OXCT1: variants seen among roughly 807,000 people sequenced by gnomAD.
OXCT1 encodes succinyl-CoA:3-ketoacid coenzyme A transferase 1, mitochondrial.
OXCT1 carries 27 observed loss-of-function variants against 69.6 expected under a neutral mutation model. The observed-to-expected ratio is 0.39, with a 90% CI of 0.29 to 0.54. OXCT1 has a LOEUF of 0.54. Ranked by LOEUF, OXCT1 falls within the 20% of genes least tolerant of loss-of-function variation. The pLI, the probability that OXCT1 is intolerant of heterozygous loss-of-function variation, is 0.72. For synonymous variants in OXCT1, 202 were observed against 217.8 expected (o/e 0.93, Z 0.64); for missense variants, 437 against 650.2 (o/e 0.67, Z 3.57).
intron 11 of OXCT1, 45 bp from the exon 12 acceptor site, chr5:41,794,794 C>G: frequency 6.3e-7 from 1 of 1,592,708 alleles, no homozygotes; most frequent in Non-Finnish European, 8.6e-7. Flanking sequence ...TATTAGATTT[C>G]TAAGAGTATC....
Position 41,870,191 on chromosome 5 carries a change from G to T in OXCT1, c.78+90C>A. On this transcript the variant is annotated intron_variant, in intron 1 of 16. Transcript: ENST00000196371. The surrounding 1 kb of genome is among the most constrained non-coding windows in gnomAD (Gnocchi z 4.2). ...TGCCAGATCCCAGGCTGGAGAGAGC[G>T]GGTAGGGGCAGAGAAGAAAACGCGG... The T allele has an allele frequency of 2.0e-6, 2 of 984,370 alleles. No homozygotes were observed. The highest frequency in any genetic ancestry group is 2.7e-5 in the South Asian group (2 of 74,598). The allele number at this position is 984,370 out of a possible 1,614,324, so 61.0% of individuals were successfully genotyped here. A position where few individuals can be genotyped will look rare whatever the true frequency, so the allele number is the denominator to read the frequency against.
intron 10 of OXCT1, among the ~76,000 whole-genome samples, chr5:41,801,997 G>A (rs1036438217): frequency 5.3e-5 from 8 of 151,680 alleles, no homozygotes; most frequent in Admixed American, 4.6e-4. Flanking sequence ...TTAAACTGAA[G>A]TGGCAACTAA....
chr5:41,834,720 C>T (rs1579839151), intron 7 of OXCT1, among the ~76,000 whole-genome samples: 2 of 152,082 alleles, frequency 1.3e-5, no homozygotes. Context: ...TAAAATACAA[C>T]AGCTGGAGAC....
At chr5:41,812,353 A>T (rs1476400842) in intron 7 of OXCT1, among the ~76,000 whole-genome samples, 1 of 152,052 alleles carries the variant, frequency 6.6e-6, no homozygotes, top group African/African-American at 2.4e-5. Context: ...CTTATGAAAG[A>T]TGAGGATTGC....
chr5:41,770,145 T>C (rs1744815149), intron 13 of OXCT1, among the ~76,000 whole-genome samples: 1 of 152,248 alleles, frequency 6.6e-6, no homozygotes, highest in South Asian at 2.1e-4. Flanking sequence ...TTGTTTTCAC[T>C]ATGTATTTAA....
Position 41,807,404 on chromosome 5 carries a change from G to T in OXCT1, c.767C>A (p.Pro256Gln). 6.2e-7 allele frequency: 1 copy of T among 1,605,824 alleles called. No individual in the cohort carries two copies. Among genetic ancestry groups the T allele is most frequent in the Non-Finnish European group, 8.5e-7 (1 of 1,173,174 alleles). Residue 256 changes from proline to glutamine, a missense_variant, in exon 8 of 17, where the codon CCA becomes CAA. Pro to Gln is a moderately conservative substitution (Grantham distance 76, BLOSUM62 -1). Coordinates refer to ENST00000196371, the MANE Select transcript of OXCT1 (RefSeq NM_000436.4). ...EEIVDIGAFA[P>Q]EDIHIPQIYV... Reference sequence around the variant, plus strand: ...AATCTGAGGAATATGGATGTCTTCTGGAGCAAATGCTCCAATATCCACAAT... The same window carrying T: ...AATCTGAGGAATATGGATGTCTTCTTGAGCAAATGCTCCAATATCCACAAT...
At chr5:41,856,005 T>C (rs907029495) in intron 3 of OXCT1, among the ~76,000 whole-genome samples, 58 of 152,164 alleles carry the variant, frequency 3.8e-4, no homozygotes, top group Non-Finnish European at 2.9e-5. Flanking sequence ...TCCTGGAGTA[T>C]GGACTGAGGG....
At chr5:41,759,495 A>G (rs1317909083) in intron 14 of OXCT1, among the ~76,000 whole-genome samples, 1 of 152,098 alleles carries the variant, frequency 6.6e-6, no homozygotes, top group Non-Finnish European at 1.5e-5. Context: ...TCTAGGCTCA[A>G]ATGAAAATCA....
chr5:41,857,131 C>A (rs1212549529), intron 3 of OXCT1, among the ~76,000 whole-genome samples: 1 of 152,104 alleles, frequency 6.6e-6, no homozygotes, highest in Non-Finnish European at 1.5e-5. Context: ...AAAATCTGGC[C>A]ATTTCTCACT....
chr5:41,733,677 A>G (rs1238272486), intron 16 of OXCT1, among the ~76,000 whole-genome samples: 3 of 152,162 alleles, frequency 2.0e-5, no homozygotes, highest in African/African-American at 7.2e-5. Flanking sequence ...TGTCAGCCCT[A>G]TTTTGAGCTC....
intron 13 of OXCT1, among the ~76,000 whole-genome samples, chr5:41,784,743 A>G (rs1745567711): frequency 6.6e-6 from 1 of 152,228 alleles, no homozygotes; most frequent in Non-Finnish European, 1.5e-5. Flanking sequence ...TAAAATGGCA[A>G]TAAATATTCA....
intron 1 of OXCT1, among the ~76,000 whole-genome samples, chr5:41,869,711 A>C (rs1203528663): frequency 6.6e-6 from 1 of 152,106 alleles, no homozygotes; most frequent in African/African-American, 2.4e-5. Context: ...GGGGCAGCAG[A>C]GCCAAATAGG....
chr5:41,759,816 AAAAACAAAAC>A (rs1744261446), intron 14 of OXCT1, among the ~76,000 whole-genome samples: 1 of 152,154 alleles, frequency 6.6e-6, no homozygotes, highest in African/African-American at 2.4e-5. Context: ...CACTTACAGA[AAAAACAAAAC>A]AAAACAAACA....
intron 7 of OXCT1, among the ~76,000 whole-genome samples, chr5:41,831,958 T>C (rs1748118633): frequency 6.6e-6 from 1 of 152,104 alleles, no homozygotes; most frequent in African/African-American, 2.4e-5. Flanking sequence ...CTGATTAACC[T>C]CCTAAAAAGA....
intron 13 of OXCT1, among the ~76,000 whole-genome samples, chr5:41,782,332 A>G (rs1025742233): frequency 2.6e-5 from 4 of 151,816 alleles, no homozygotes; most frequent in African/African-American, 9.7e-5. Context: ...CTCCTGCCTC[A>G]GCCTTCCAAG....
intron 15 of OXCT1, among the ~76,000 whole-genome samples, chr5:41,747,261 G>A (rs946496104): frequency 1.8e-4 from 28 of 152,034 alleles, no homozygotes; most frequent in African/African-American, 6.5e-4. Context: ...TCCACTTGCA[G>A]GTTATAGGAC....
intron 4 of OXCT1, among the ~76,000 whole-genome samples, chr5:41,850,865 C>G (rs1332193985): frequency 2.0e-5 from 3 of 152,164 alleles, no homozygotes; most frequent in African/African-American, 7.2e-5. Flanking sequence ...CCCTGGCTCT[C>G]TCACTCTCAA....
intron 1 of OXCT1, among the ~76,000 whole-genome samples, chr5:41,866,874 A>C (rs1750004599): frequency 6.6e-6 from 1 of 152,230 alleles, no homozygotes; most frequent in Admixed American, 6.5e-5. Context: ...AAAGTTTGCC[A>C]GGTGTTAAAT....
At chr5:41,778,372 A>T (rs1456949183) in intron 13 of OXCT1, among the ~76,000 whole-genome samples, 1 of 152,226 alleles carries the variant, frequency 6.6e-6, no homozygotes, top group East Asian at 1.9e-4. Context: ...ATTCCACTAC[A>T]CTGGTTAAGA....
Sources: allele counts gnomAD v4.1 joint callset (sites outside exome capture counted in the v4.1 genomes callset), GRCh38; gene constraint gnomAD v4.1.1; non-coding constraint Gnocchi (gnomAD v3.1); transcripts MANE v1.5; gene names NCBI Gene and HGNC (gene_info 2026-07-23, HGNC 2026-07-21).